The following PARD3 variants were observed in gnomAD, a reference collection of about 807,000 sequenced individuals.
PARD3 encodes the protein par-3 family cell polarity regulator, also known as partitioning defective 3 homolog.
PARD3 carries 75 observed loss-of-function variants against 155.4 expected under a neutral mutation model. The observed-to-expected ratio is 0.48, with a 90% CI of 0.40 to 0.58. PARD3 has a LOEUF of 0.58. Ranked by LOEUF, PARD3 falls within the 20% of genes least tolerant of loss-of-function variation. The pLI is 0.00. For synonymous variants in PARD3, 576 were observed against 610.5 expected (o/e 0.94, Z 0.83); for missense variants, 1,642 against 1,721.7 (o/e 0.95, Z 0.82).
intron 3 of PARD3, among the ~76,000 whole-genome samples, chr10:34,516,451 C>A (rs1013024666): frequency 6.6e-6 from 1 of 152,258 alleles, no homozygotes; most frequent in South Asian, 2.1e-4. Context: ...ACCCAGGGTC[C>A]TAGGATTCCT....
chr10:34,197,143 C>T (rs1012496469), intron 22 of PARD3, among the ~76,000 whole-genome samples: 3 of 152,116 alleles, frequency 2.0e-5, no homozygotes, highest in South Asian at 2.1e-4. Context: ...GTTCTCCTCC[C>T]GATTTAAAGT....
chr10:34,584,480 C>T (rs1461910388), intron 2 of PARD3, among the ~76,000 whole-genome samples: 1 of 152,128 alleles, frequency 6.6e-6, no homozygotes, highest in Admixed American at 6.6e-5. Flanking sequence ...TAGTAAAGTG[C>T]ATTCAGATGC....
chr10:34,651,049 A>AAAAAAAAAG (rs1564461753), intron 2 of PARD3, among the ~76,000 whole-genome samples: 2 of 128,866 alleles, frequency 1.6e-5, no homozygotes, highest in Non-Finnish European at 3.3e-5. Context: ...AAAAAAAAAA[A>AAAAAAAAAG]GGCAGTACAC....
intron 2 of PARD3, among the ~76,000 whole-genome samples, chr10:34,540,065 C>T (rs1324246689): frequency 6.6e-6 from 1 of 152,160 alleles, no homozygotes; most frequent in East Asian, 1.9e-4. Flanking sequence ...GAACAGAAGC[C>T]TCAGGAGCCA....
chr10:34,359,375 G>T (rs1839219809), intron 13 of PARD3, 58 bp from the exon 14 acceptor site: 1 of 1,215,132 alleles, frequency 8.2e-7, no homozygotes, highest in Admixed American at 2.4e-5. Flanking sequence ...AAAAGAAGTA[G>T]CTTTTCCTTT....
chr10:34,623,214 T>C (rs2091795930), intron 2 of PARD3, among the ~76,000 whole-genome samples: 1 of 152,274 alleles, frequency 6.6e-6, no homozygotes, highest in African/African-American at 2.4e-5. Context: ...CATTAACACA[T>C]ACAAGAGAAG....
At chr10:34,611,860 A>G (rs1181872459) in intron 2 of PARD3, among the ~76,000 whole-genome samples, 2 of 125,938 alleles carry the variant, frequency 1.6e-5, no homozygotes, top group Non-Finnish European at 3.1e-5. Flanking sequence ...CCCAGGCTGG[A>G]GTGCAGTGGC....
intron 1 of PARD3, among the ~76,000 whole-genome samples, chr10:34,741,669 C>A (rs1004916879): frequency 1.3e-5 from 2 of 152,140 alleles, no homozygotes; most frequent in Non-Finnish European, 2.9e-5. Flanking sequence ...AAACTCTTCC[C>A]ATGCTGGTCG....
At chr10:34,348,187 T>C (rs1837627670) in intron 14 of PARD3, 72 bp from the exon 15 acceptor site, 17 of 1,373,456 alleles carry the variant, frequency 1.2e-5, no homozygotes, top group East Asian at 2.4e-5. Context: ...GGGAGAATTA[T>C]AACAACTTGC....
At chr10:34,416,392 G>A (rs1044577943) in intron 5 of PARD3, among the ~76,000 whole-genome samples, 4 of 152,124 alleles carry the variant, frequency 2.6e-5, no homozygotes, top group African/African-American at 9.7e-5. Flanking sequence ...AAGGAGGGCA[G>A]GGGGGACTTT....
intron 2 of PARD3, among the ~76,000 whole-genome samples, chr10:34,524,176 A>G (rs2082327158): frequency 6.6e-6 from 1 of 152,210 alleles, no homozygotes; most frequent in Non-Finnish European, 1.5e-5. Flanking sequence ...TCTTTAATAA[A>G]GCCATTTCCA....
chr10:34,268,691 C>T (rs1358268384), intron 22 of PARD3, among the ~76,000 whole-genome samples: 1 of 151,978 alleles, frequency 6.6e-6, no homozygotes, highest in Non-Finnish European at 1.5e-5. Context: ...GAAAACCAAA[C>T]ACCACATGTT....
At chr10:34,744,774 C>A (rs902277561) in intron 1 of PARD3, among the ~76,000 whole-genome samples, 1 of 152,154 alleles carries the variant, frequency 6.6e-6, no homozygotes, top group Admixed American at 6.5e-5. Context: ...GCACAAAAAT[C>A]CAAGATAAGC....
intron 14 of PARD3, among the ~76,000 whole-genome samples, chr10:34,352,824 A>G (rs1371962176): frequency 6.6e-6 from 1 of 150,944 alleles, no homozygotes; most frequent in African/African-American, 2.4e-5. Context: ...GGATGTGACG[A>G]GCCCCTCTGC....
rs188319947 is a variant in PARD3, at chr10:34,139,655, C to T, written c.3420-8072G>A. Among the ~76,000 whole-genome samples the T allele has an allele frequency of 7.4e-4, 112 of 152,250 alleles. 1 individual carries two copies. Among genetic ancestry groups the T allele is most frequent in the Non-Finnish European group, 1.4e-3 (97 of 68,020 alleles). On this transcript the variant is annotated intron_variant, in intron 22 of 24. Transcript: ENST00000374788. ...ATGTAGGGCAGACCTGTCATGAAGC[C>T]GTAGTAACAGGCAGCCAGCAGTGAC...
intron 2 of PARD3, among the ~76,000 whole-genome samples, chr10:34,571,126 C>G (rs180910623): frequency 1.8e-4 from 27 of 152,196 alleles, no homozygotes; most frequent in Admixed American, 5.9e-4. Context: ...GCCTGGGCAA[C>G]ATAGCAAGAC....
At chr10:34,542,953 G>A (rs767572247) in intron 2 of PARD3, among the ~76,000 whole-genome samples, 12 of 152,080 alleles carry the variant, frequency 7.9e-5, no homozygotes, top group Non-Finnish European at 1.6e-4. Flanking sequence ...TTCTCACTCA[G>A]GCCATGAGAA....
intron 12 of PARD3, among the ~76,000 whole-genome samples, chr10:34,364,660 C>G (rs1289317975): frequency 6.6e-6 from 1 of 152,150 alleles, no homozygotes; most frequent in Non-Finnish European, 1.5e-5. Flanking sequence ...TCTCAAACTC[C>G]TGGGCTCAAG....
chr10:34,576,925 G>A (rs2086936291), intron 2 of PARD3, among the ~76,000 whole-genome samples: 1 of 152,154 alleles, frequency 6.6e-6, no homozygotes, highest in Non-Finnish European at 1.5e-5. Context: ...AACGTCATCA[G>A]CAGTAAAACT....
Sources: allele counts gnomAD v4.1 joint callset (sites outside exome capture counted in the v4.1 genomes callset), GRCh38; gene constraint gnomAD v4.1.1; transcripts MANE v1.5; gene names NCBI Gene and HGNC (gene_info 2026-07-23, HGNC 2026-07-21).